The following ITCH variants were observed in gnomAD, a reference collection of about 807,000 sequenced individuals.
The protein encoded by ITCH is itchy E3 ubiquitin protein ligase, also known as E3 ubiquitin-protein ligase Itchy homolog.
ITCH carries 28 observed loss-of-function variants against 126.8 expected under a neutral mutation model. The ratio of observed to expected loss-of-function variants is 0.22; its 90% confidence interval spans 0.16 to 0.30. ITCH has a LOEUF of 0.30. ITCH is among the 10% of genes least tolerant of loss of function. ITCH has a pLI of 1.00. For missense variants in ITCH, 631 were observed against 1,032.4 expected (o/e 0.61, Z 5.33); for synonymous variants, 342 against 340.0 (o/e 1.01, Z -0.06).
At chr20:34,440,869 C>T (rs1237188954) in intron 9 of ITCH, among the ~76,000 whole-genome samples, 1 of 152,124 alleles carries the variant, frequency 6.6e-6, no homozygotes, top group Non-Finnish European at 1.5e-5. Context: ...TCAAAGGACC[C>T]TGAAAGTTAA....
chr20:34,401,137 TTTC>T (rs1432706176), intron 3 of ITCH, among the ~76,000 whole-genome samples: 5 of 152,148 alleles, frequency 3.3e-5, no homozygotes, highest in African/African-American at 9.7e-5. Context: ...CAGCTCTTCG[TTTC>T]TTCTTATCAT....
At chr20:34,441,825 A>G (rs112482642) in intron 9 of ITCH, 5 of 252,336 alleles carry the variant, frequency 2.0e-5, no homozygotes, top group African/African-American at 1.1e-4. Flanking sequence ...ACCTCAAGTA[A>G]TCCACCCGTC....
At chr20:34,464,024 G>A (rs1986786904) in intron 14 of ITCH, among the ~76,000 whole-genome samples, 1 of 151,792 alleles carries the variant, frequency 6.6e-6, no homozygotes, top group South Asian at 2.1e-4. Flanking sequence ...ACCCAGGCTG[G>A]AGTGCAGTGG....
At chr20:34,494,581 T>C (rs1989732392) in intron 23 of ITCH, among the ~76,000 whole-genome samples, 2 of 152,206 alleles carry the variant, frequency 1.3e-5, no homozygotes, top group Non-Finnish European at 2.9e-5. Context: ...AATGATCAAA[T>C]TGGGGTAATT....
chr20:34,370,264 T>C (rs536852608), intron 2 of ITCH, among the ~76,000 whole-genome samples: 3 of 152,280 alleles, frequency 2.0e-5, no homozygotes, highest in African/African-American at 7.2e-5. Context: ...ATCTGTAAAA[T>C]AGGTAAGTAT....
rs1170283787 is a variant in ITCH, at chr20:34,456,176, GTGTGTGTGTATA to G, written c.1211-1212_1211-1201del. Among the ~76,000 whole-genome samples, 4 of 34,154 alleles carry G rather than the reference GTGTGTGTGTATA, an allele frequency of 1.2e-4. 1 individual carries two copies. The South Asian group carries it at 5.2e-3, about 45-fold the overall frequency. The allele number at this position is 34,154 out of a possible 152,430, so 22.4% of individuals were successfully genotyped here. ...TTATATATTGTGTGTGTGTGTGTGTGTGTGTGTGTATATATATATATATATATATATATATAT... is the reference window on the plus strand; with the variant it reads ...TTATATATTGTGTGTGTGTGTGTGTGTATATATATATATATATATATATAT... On this transcript the variant is annotated intron_variant, in intron 12 of 24. Transcript: ENST00000374864.
rs1989391743 is a variant in ITCH, at chr20:34,489,882, C to T, written c.2275C>T (p.Arg759Cys). The T allele has an allele frequency of 6.2e-7, 1 of 1,613,806 alleles. No individual in the cohort carries two copies. The highest frequency in any genetic ancestry group is 1.7e-5 in the Admixed American group (1 of 60,004). The stretch of plus-strand genomic sequence containing the variant: ...TGACTGGCAAAGACATGCCATCTAC[C>T]GTCATTATGCAAGGACCAGCAAACA... The part of the protein sequence containing the change: ...LNDWQRHAIY[R>C]HYARTSKQIM... Residue 759 changes from arginine to cysteine, a missense_variant, in exon 22 of 25, where the codon CGT becomes TGT. This residue lies in a region of ITCH where 390 missense variants were observed against 731.6 expected (regional missense o/e 0.53). Transcript: ENST00000374864.
intron 22 of ITCH, 61 bp downstream of exon 22, chr20:34,489,987 C>T (rs1010298264): frequency 1.8e-5 from 22 of 1,251,872 alleles, no homozygotes; most frequent in Non-Finnish European, 1.9e-5. Context: ...ATTTGCTTAC[C>T]ACATATGGAA....
chr20:34,388,481 C>G (rs959455039), intron 2 of ITCH, among the ~76,000 whole-genome samples: 5 of 151,940 alleles, frequency 3.3e-5, no homozygotes, highest in African/African-American at 1.2e-4. Context: ...ACCTGCTGGT[C>G]TCTGGCGATC....
At chr20:34,369,354 A>G (rs969227049) in intron 1 of ITCH, 40 bp from the exon 2 acceptor site, 6 of 398,920 alleles carry the variant, frequency 1.5e-5, no homozygotes, top group Admixed American at 8.8e-5. Context: ...ACAAAAAAAT[A>G]TAGAAGTAAT....
In ITCH at chr20:34,477,779, G is replaced by A. The variant is rs1318436647; in HGVS notation, c.1577G>A (p.Ser526Asn). The change falls in exon 17 of 25, where the codon AGC (serine) becomes AAC (asparagine). Residue 526 changes from serine to asparagine, a missense_variant. Ser to Asn is a conservative substitution (Grantham distance 46). This residue lies in a region of ITCH where 390 missense variants were observed against 731.6 expected (regional missense o/e 0.53). Coordinates refer to ENST00000374864, the MANE Select transcript of ITCH (RefSeq NM_031483.7). ...TACTTTATTTTTTTTTAGATAATGA[G>A]CTTCAGTCCCCAAGATCTGCGAAGA... ...LFEDSFQQIM[S>N]FSPQDLRRRL... 1 of 1,613,336 alleles carries A rather than the reference G, an allele frequency of 6.2e-7. No individual in the cohort carries two copies. The highest frequency in any genetic ancestry group is 8.5e-7 in the Non-Finnish European group (1 of 1,179,604).
intron 7 of ITCH, among the ~76,000 whole-genome samples, chr20:34,426,480 CT>C: frequency 6.6e-6 from 1 of 151,826 alleles, no homozygotes; most frequent in South Asian, 2.1e-4. Context: ...GAGATTCACT[CT>C]TTCACCCAGG....
At chr20:34,464,750 G>A (rs188218932) in intron 14 of ITCH, among the ~76,000 whole-genome samples, 5 of 150,984 alleles carry the variant, frequency 3.3e-5, no homozygotes, top group African/African-American at 1.2e-4. Flanking sequence ...TCACTCTGTC[G>A]CCCAGGCTGG....
chr20:34,404,748 T>TA (rs1192741163), intron 3 of ITCH, among the ~76,000 whole-genome samples: 3 of 152,120 alleles, frequency 2.0e-5, no homozygotes, highest in Non-Finnish European at 4.4e-5. Context: ...AGGACAGTAA[T>TA]ACCTGTTTCG....
At chr20:34,500,700 C>T (rs1569009055) in intron 23 of ITCH, among the ~76,000 whole-genome samples, 1 of 152,178 alleles carries the variant, frequency 6.6e-6, no homozygotes, top group Non-Finnish European at 1.5e-5. Context: ...GGACTTACTC[C>T]TGTCATTTTT....
intron 2 of ITCH, among the ~76,000 whole-genome samples, chr20:34,382,917 T>C: frequency 6.6e-6 from 1 of 151,622 alleles, no homozygotes; most frequent in East Asian, 1.9e-4. Flanking sequence ...CTAATTTTTG[T>C]ATTTTTAGTA....
intron 13 of ITCH, among the ~76,000 whole-genome samples, chr20:34,458,281 C>T (rs1425670407): frequency 1.3e-5 from 2 of 152,100 alleles, no homozygotes; most frequent in Non-Finnish European, 2.9e-5. Context: ...GCAGATATCT[C>T]TAAATACTTG....
intron 2 of ITCH, among the ~76,000 whole-genome samples, chr20:34,373,280 T>C (rs1205038969): frequency 7.6e-6 from 1 of 132,408 alleles, no homozygotes; most frequent in Non-Finnish European, 1.6e-5. Context: ...GCCAAATGTA[T>C]TTTTTTTTTT....
chr20:34,495,325 A>ACG (rs1989806501), intron 23 of ITCH, among the ~76,000 whole-genome samples: 3 of 148,824 alleles, frequency 2.0e-5, no homozygotes, highest in African/African-American at 2.5e-5. Flanking sequence ...ATACACACGC[A>ACG]CACACACACA....
Sources: allele counts gnomAD v4.1 joint callset (sites outside exome capture counted in the v4.1 genomes callset), GRCh38; gene constraint gnomAD v4.1.1; regional missense constraint gnomAD v4.1.1; transcripts MANE v1.5; gene names NCBI Gene and HGNC (gene_info 2026-07-23, HGNC 2026-07-21).